NALF1: variants seen among roughly 807,000 people sequenced by gnomAD.
NALF1 encodes family with sequence similarity 155 member A.
Under a neutral mutation model 48.4 loss-of-function variants are expected in NALF1, and 3 were observed. The observed-to-expected ratio is 0.06, with a 90% confidence interval of 0.03 to 0.16. The LOEUF (loss-of-function observed/expected upper bound fraction) is 0.16. Ranked by LOEUF, NALF1 falls within the 10% of genes least tolerant of loss-of-function variation. The pLI, the probability that NALF1 is intolerant of heterozygous loss-of-function variation, is 1.00. For synonymous variants in NALF1, 262 were observed against 245.7 expected (o/e 1.07, Z -0.62); for missense variants, 526 against 571.5 (o/e 0.92, Z 0.81).
intron 1 of NALF1, among the ~76,000 whole-genome samples, chr13:107,469,502 C>A (rs932765240): frequency 2.0e-5 from 3 of 152,144 alleles, no homozygotes; most frequent in Admixed American, 1.3e-4. Context: ...ATCTGTGGAT[C>A]CTCAACTACC....
chr13:107,680,159 C>A (rs955003428), intron 1 of NALF1, among the ~76,000 whole-genome samples: 3 of 152,144 alleles, frequency 2.0e-5, no homozygotes, highest in African/African-American at 7.2e-5. Context: ...CCCACACAGG[C>A]TCTGCATTGC....
intron 1 of NALF1, among the ~76,000 whole-genome samples, chr13:107,703,882 T>A (rs1483967097): frequency 6.6e-6 from 1 of 152,226 alleles, no homozygotes; most frequent in African/African-American, 2.4e-5. Context: ...ACATAGCATC[T>A]GTAGCTTCAT....
chr13:107,533,766 G>T (rs1292176059), intron 1 of NALF1, among the ~76,000 whole-genome samples: 2 of 152,084 alleles, frequency 1.3e-5, no homozygotes, highest in African/African-American at 2.4e-5. Flanking sequence ...TTTGTTGAGG[G>T]TCTGTGATGC....
chr13:107,379,921 A>C (rs556391277), intron 1 of NALF1, among the ~76,000 whole-genome samples: 1 of 152,348 alleles, frequency 6.6e-6, no homozygotes, highest in South Asian at 2.1e-4. Context: ...TCACTATGAC[A>C]TGGAGATGCC....
chr13:107,241,656 T>A lies in NALF1; in HGVS notation c.916-30901A>T, dbSNP rs139309165. On this transcript the variant is annotated intron_variant, in intron 1 of 2. Coordinates refer to ENST00000375915, the MANE Select transcript of NALF1 (RefSeq NM_001080396.3). ...AAAGCCCTTACAGCAGTGTCTGGCG[T>A]ACACTGGGTGTCTGTACTGCAGTTG... is the stretch of plus-strand genomic sequence containing the variant. Among the ~76,000 whole-genome samples, 32 of 152,330 alleles carry A rather than the reference T, an allele frequency of 2.1e-4. 2 individuals carry two copies. The East Asian group carries it at 6.2e-3, about 29-fold the overall frequency.
At chr13:107,631,327 C>T (rs530691466) in intron 1 of NALF1, among the ~76,000 whole-genome samples, 21 of 152,238 alleles carry the variant, frequency 1.4e-4, no homozygotes, top group Non-Finnish European at 2.2e-4. Context: ...ACATGCCTTC[C>T]GACTGTGTAG....
At chr13:107,386,275 T>A (rs1883529356) in intron 1 of NALF1, among the ~76,000 whole-genome samples, 1 of 152,176 alleles carries the variant, frequency 6.6e-6, no homozygotes, top group Non-Finnish European at 1.5e-5. Flanking sequence ...CAAAATAAAG[T>A]GTCTAAAGGC....
intron 1 of NALF1, among the ~76,000 whole-genome samples, chr13:107,711,553 CT>C (rs1594220629): frequency 1.3e-5 from 2 of 152,098 alleles, no homozygotes; most frequent in East Asian, 3.9e-4. Context: ...CCAGGCTGGT[CT>C]TTATAGTGTT....
intron 1 of NALF1, among the ~76,000 whole-genome samples, chr13:107,303,990 A>G (rs1881889079): frequency 6.6e-6 from 1 of 152,230 alleles, no homozygotes; most frequent in Non-Finnish European, 1.5e-5. Flanking sequence ...TTCAAGATGT[A>G]CAAATAATTA....
intron 1 of NALF1, among the ~76,000 whole-genome samples, chr13:107,828,375 C>T (rs777735280): frequency 3.3e-5 from 5 of 152,114 alleles, no homozygotes; most frequent in Admixed American, 1.3e-4. Context: ...AGGCCCTGCA[C>T]GGCAGCTGCA....
intron 1 of NALF1, among the ~76,000 whole-genome samples, chr13:107,628,590 A>G (rs771120593): frequency 8.5e-5 from 13 of 152,246 alleles, no homozygotes; most frequent in Middle Eastern, 6.8e-3. Context: ...TACTGTTTTT[A>G]CATTTCATGA....
intron 1 of NALF1, among the ~76,000 whole-genome samples, chr13:107,833,046 G>A (rs1474213258): frequency 2.6e-5 from 4 of 152,134 alleles, no homozygotes; most frequent in Non-Finnish European, 5.9e-5. Flanking sequence ...CCTCTCTGGT[G>A]CTCCACGCAC....
intron 2 of NALF1, among the ~76,000 whole-genome samples, chr13:107,193,628 C>A (rs2063859501): frequency 6.6e-6 from 1 of 152,128 alleles, no homozygotes; most frequent in Non-Finnish European, 1.5e-5. Flanking sequence ...CTCCCACATG[C>A]AGGAGGGGCC....
chr13:107,169,000 T>TG lies in NALF1; in HGVS notation c.*1496_*1497insC, dbSNP rs1878730407. On this transcript the variant is annotated 3_prime_UTR_variant, in exon 3 of 3. Transcript: ENST00000375915. ...TATTTGTTTTGTTTGTTTGTTTGTT[T>TG]TTTTAAAAACAGCCCTTATTAACTC... The TG allele has an allele frequency of 6.6e-6, 1 of 152,644 alleles. No homozygotes were observed. The highest frequency in any genetic ancestry group is 2.4e-5 in the African/African-American group (1 of 41,462). 9.5% of individuals were successfully genotyped at this position (152,644 alleles called of 1,614,324 possible). A position where few individuals can be genotyped will look rare whatever the true frequency, so the allele number is the denominator to read the frequency against.
intron 1 of NALF1, among the ~76,000 whole-genome samples, chr13:107,220,832 A>G (rs1050979452): frequency 2.6e-5 from 4 of 151,924 alleles, no homozygotes; most frequent in Admixed American, 6.6e-5. Context: ...TGTCAGAGAG[A>G]GGAGTGGGGT....
intron 1 of NALF1, among the ~76,000 whole-genome samples, chr13:107,639,043 C>T (rs1052678216): frequency 1.6e-4 from 25 of 152,146 alleles, no homozygotes; most frequent in African/African-American, 6.0e-4. Flanking sequence ...ATTACAACAG[C>T]TGATGGATTA....
At chr13:107,519,187 G>T (rs1388848242) in intron 1 of NALF1, among the ~76,000 whole-genome samples, 1 of 151,726 alleles carries the variant, frequency 6.6e-6, no homozygotes, top group African/African-American at 2.4e-5. Flanking sequence ...TATTTACAGG[G>T]GTCTCCAACC....
At chr13:107,263,221 G>A (rs993447707) in intron 1 of NALF1, among the ~76,000 whole-genome samples, 1 of 145,456 alleles carries the variant, frequency 6.9e-6, no homozygotes, top group Non-Finnish European at 1.5e-5. Flanking sequence ...AAATGTGTAG[G>A]CTCCCAACAC....
chr13:107,350,744 G>C (rs1882858627), intron 1 of NALF1, among the ~76,000 whole-genome samples: 1 of 152,148 alleles, frequency 6.6e-6, no homozygotes, highest in African/African-American at 2.4e-5. Flanking sequence ...CTATTGCAGT[G>C]GTTCTCAAAA....
Sources: gnomAD v4.1 joint callset for allele counts (sites outside exome capture counted in the v4.1 genomes callset) on GRCh38, gnomAD v4.1.1 for gene constraint, MANE v1.5 for transcripts, NCBI Gene and HGNC (gene_info 2026-07-23, HGNC 2026-07-21) for gene names.